MACROD2: variants seen among roughly 807,000 people sequenced by gnomAD.
The protein encoded by MACROD2 is mono-ADP ribosylhydrolase 2, also known as ADP-ribose glycohydrolase MACROD2.
Under a neutral mutation model 70.4 loss-of-function variants are expected in MACROD2, and 36 were observed. That is an observed-to-expected ratio of 0.51 (90% CI 0.39 to 0.68). The LOEUF (loss-of-function observed/expected upper bound fraction) is 0.68, where lower values mean the gene tolerates loss of function less well. Ranked by LOEUF, MACROD2 falls within the 30% of genes least tolerant of loss-of-function variation. The probability of loss-of-function intolerance (pLI) is 0.00; values close to 1 mark genes in which losing one functional copy is unlikely to be tolerated. For missense variants in MACROD2, 496 were observed against 538.4 expected (o/e 0.92, Z 0.78); for synonymous variants, 172 against 178.8 (o/e 0.96, Z 0.30).
chr20:14,012,870 A>G (rs1244537813), intron 2 of MACROD2, among the ~76,000 whole-genome samples: 1 of 152,226 alleles, frequency 6.6e-6, no homozygotes, highest in Non-Finnish European at 1.5e-5. Context: ...GAAGGTGGCT[A>G]AGAAATATTA....
intron 5 of MACROD2, among the ~76,000 whole-genome samples, chr20:14,704,131 G>A (rs891407726): frequency 3.3e-5 from 5 of 152,078 alleles, no homozygotes; most frequent in Admixed American, 1.3e-4. Context: ...ATTTTCTTAT[G>A]ATTTCTTCCA....
intron 15 of MACROD2, among the ~76,000 whole-genome samples, chr20:15,997,992 A>G (rs1448292931): frequency 6.6e-6 from 1 of 152,210 alleles, no homozygotes; most frequent in East Asian, 1.9e-4. Context: ...AATGTGGTAT[A>G]TCAGATTTAT....
At chr20:14,238,224 G>C (rs2081895241) in intron 3 of MACROD2, among the ~76,000 whole-genome samples, 1 of 151,726 alleles carries the variant, frequency 6.6e-6, no homozygotes, top group African/African-American at 2.4e-5. Context: ...TGTATCCCTG[G>C]GATGCAAAGT....
At chr20:15,772,101 A>AAAAAAAAAAAAAAAATAT (rs1555777716) in intron 8 of MACROD2, among the ~76,000 whole-genome samples, 4 of 91,440 alleles carry the variant, frequency 4.4e-5, no homozygotes, top group Non-Finnish European at 5.7e-5. Flanking sequence ...AAAAAAAAAA[A>AAAAAAAAAAAAAAAATAT]ATATATATAT....
chr20:14,091,329 G>A (rs1474112206), intron 3 of MACROD2, among the ~76,000 whole-genome samples: 1 of 152,102 alleles, frequency 6.6e-6, no homozygotes, highest in Admixed American at 6.5e-5. Context: ...GAGGCTGGAG[G>A]GGGATTGGAG....
chr20:14,906,801 T>G (rs1222367572), intron 5 of MACROD2, among the ~76,000 whole-genome samples: 1 of 152,204 alleles, frequency 6.6e-6, no homozygotes, highest in Non-Finnish European at 1.5e-5. Flanking sequence ...TTCTTTGAAG[T>G]ATTCTTTAAA....
chr20:14,699,032 TA>T (rs996059570), intron 5 of MACROD2, among the ~76,000 whole-genome samples: 7 of 152,176 alleles, frequency 4.6e-5, no homozygotes, highest in African/African-American at 1.7e-4. Context: ...ATCTTTTTCA[TA>T]TTTTTAAAAG....
intron 4 of MACROD2, among the ~76,000 whole-genome samples, chr20:14,536,072 A>G (rs1230830233): frequency 1.3e-5 from 2 of 152,232 alleles, no homozygotes; most frequent in African/African-American, 4.8e-5. Context: ...AGCTCTTAGA[A>G]GTAAAATCAT....
chr20:14,426,418 A>T (rs2083933362), intron 3 of MACROD2, among the ~76,000 whole-genome samples: 1 of 151,402 alleles, frequency 6.6e-6, no homozygotes, highest in Admixed American at 6.6e-5. Context: ...AGATTTTTTT[A>T]AAGTTTTCTT....
intron 5 of MACROD2, among the ~76,000 whole-genome samples, chr20:15,024,622 T>G (rs1489658988): frequency 6.6e-6 from 1 of 151,970 alleles, no homozygotes; most frequent in African/African-American, 2.4e-5. Context: ...ATTATATTTT[T>G]AAAATAAATT....
At chr20:14,414,025 C>G (rs1008977971) in intron 3 of MACROD2, among the ~76,000 whole-genome samples, 7 of 152,160 alleles carry the variant, frequency 4.6e-5, no homozygotes, top group Non-Finnish European at 8.8e-5. Flanking sequence ...AGCATTTCTT[C>G]TGCTATCTGC....
At chr20:15,886,701 A>G (rs2064826861) in intron 10 of MACROD2, among the ~76,000 whole-genome samples, 1 of 152,118 alleles carries the variant, frequency 6.6e-6, no homozygotes, top group Non-Finnish European at 1.5e-5. Flanking sequence ...GTCTTTGATA[A>G]TAAAGGCATA....
chr20:15,210,552 G>GTTTTTTTTTTTTTTTTTTTTTGT (rs11333280), intron 5 of MACROD2, among the ~76,000 whole-genome samples: 1 of 121,652 alleles, frequency 8.2e-6, no homozygotes, highest in Non-Finnish European at 1.7e-5. Context: ...CTTTTCTTCT[G>GTTTTTTTTTTTTTTTTTTTTTGT]TTTTTTTTTT....
Position 15,944,971 on chromosome 20 carries a change from A to C in MACROD2, c.907+7427A>C, listed in dbSNP as rs190189267. On this transcript the variant is annotated intron_variant, in intron 12 of 17. Transcript: ENST00000684519. ...CACCATTCAATCACTCAGAGAGTAA[A>C]ATACATGGACTAAGAGTCTAATCTC... Among the ~76,000 whole-genome samples, 63 of 152,236 alleles carry C rather than the reference A, an allele frequency of 4.1e-4. 1 individual carries two copies. In the East Asian group the frequency reaches 0.012, roughly 29 times the overall value.
At chr20:14,879,431 A>G (rs904596795) in intron 5 of MACROD2, among the ~76,000 whole-genome samples, 3 of 152,212 alleles carry the variant, frequency 2.0e-5, no homozygotes, top group Non-Finnish European at 4.4e-5. Flanking sequence ...ATTCAGACAT[A>G]AAGGTATACA....
intron 5 of MACROD2, among the ~76,000 whole-genome samples, chr20:14,702,711 GTATATATATGTGTA>G (rs1171729658): frequency 2.1e-5 from 3 of 141,524 alleles, no homozygotes; most frequent in African/African-American, 5.2e-5. Context: ...ATATATGTGT[GTATATATATGTGTA>G]TATATATATA....
intron 3 of MACROD2, among the ~76,000 whole-genome samples, chr20:14,222,349 A>G (rs977155909): frequency 5.3e-5 from 8 of 152,234 alleles, no homozygotes; most frequent in Admixed American, 2.0e-4. Context: ...CATGGATAGA[A>G]CTAGAGGCCA....
intron 5 of MACROD2, among the ~76,000 whole-genome samples, chr20:14,943,325 A>G (rs1051609468): frequency 6.6e-6 from 1 of 152,144 alleles, no homozygotes; most frequent in South Asian, 2.1e-4. Context: ...GTTGAGCAAC[A>G]TACCTTTTTT....
chr20:14,591,365 A>G (rs1490287312), intron 4 of MACROD2, among the ~76,000 whole-genome samples: 1 of 152,180 alleles, frequency 6.6e-6, no homozygotes, highest in Non-Finnish European at 1.5e-5. Flanking sequence ...TTATATATCA[A>G]CTTTATTTGC....
Sources: allele counts gnomAD v4.1 joint callset (sites outside exome capture counted in the v4.1 genomes callset), GRCh38; gene constraint gnomAD v4.1.1; transcripts MANE v1.5; gene names NCBI Gene and HGNC (gene_info 2026-07-23, HGNC 2026-07-21).